Variants in SMOC2 observed in about 807,000 individuals in gnomAD.
SMOC2 encodes SPARC related modular calcium binding 2.
SMOC2 carries 39 observed loss-of-function variants against 61.4 expected under a neutral mutation model. The observed-to-expected ratio is 0.64, with a 90% CI of 0.49 to 0.83. SMOC2 has a LOEUF of 0.83. SMOC2 is among the 40% of genes least tolerant of loss of function. The probability of loss-of-function intolerance (pLI) is 0.00; values close to 1 mark genes in which losing one functional copy is unlikely to be tolerated. For missense variants in SMOC2, 556 were observed against 592.9 expected (o/e 0.94, Z 0.65); for synonymous variants, 247 against 239.9 (o/e 1.03, Z -0.27).
chr6:168,455,320 A>G (rs1781559052), intron 1 of SMOC2, among the ~76,000 whole-genome samples: 1 of 152,078 alleles, frequency 6.6e-6, no homozygotes, highest in South Asian at 2.1e-4. Flanking sequence ...TCAACTCAAC[A>G]TTTTCCTGTG....
intron 2 of SMOC2, among the ~76,000 whole-genome samples, chr6:168,511,807 A>C (rs1050757751): frequency 2.4e-4 from 19 of 78,658 alleles, no homozygotes; most frequent in Non-Finnish European, 5.1e-4. Flanking sequence ...ATTCATTATC[A>C]AGGGTTGTTT....
rs1013828636 is a variant in SMOC2, at chr6:168,544,116, A to T, written c.511+444A>T. Among the ~76,000 whole-genome samples the T allele has an allele frequency of 1.3e-5, 2 of 152,188 alleles. No homozygotes were observed. Among genetic ancestry groups the T allele is most frequent in the South Asian group, 4.1e-4 (2 of 4,826 alleles). Reference sequence around the variant, plus strand: ...CCCTGCCTCTGAGACTGGTACAAACAAGAGCTGAACAGAACCCTTAACCTT... The same window carrying T: ...CCCTGCCTCTGAGACTGGTACAAACTAGAGCTGAACAGAACCCTTAACCTT... On this transcript the variant is annotated intron_variant, in intron 5 of 12. Coordinates refer to ENST00000356284, the MANE Select transcript of SMOC2 (RefSeq NM_001166412.2). This position sits in a 1 kb window ranked among gnomAD's most constrained non-coding sequence, Gnocchi z 4.1.
intron 7 of SMOC2, among the ~76,000 whole-genome samples, chr6:168,565,347 G>T (rs547184733): frequency 1.3e-5 from 2 of 152,316 alleles, no homozygotes; most frequent in South Asian, 4.1e-4. Context: ...GCCTGGTGAG[G>T]GCTCTCTCTC....
Position 168,608,209 on chromosome 6 carries a change from CG to C in SMOC2, c.880del (p.Asp294ThrfsTer20). On this transcript the variant is annotated frameshift_variant, in exon 9 of 13. Coordinates refer to ENST00000356284, the MANE Select transcript of SMOC2 (RefSeq NM_001166412.2). LOFTEE classifies it high-confidence loss of function. ...NTARAHPAKA[R>X]DLYKGRQLQG... ...GGCCAGGGCCCACCCAGCCAAAGCC[CG>C]GGACCTGTACAAGGGCCGCCAGCTA... 6.2e-7 allele frequency: 1 copy of C among 1,613,562 alleles called. No individual in the cohort carries two copies. Among genetic ancestry groups the C allele is most frequent in the Non-Finnish European group, 8.5e-7 (1 of 1,179,844 alleles).
chr6:168,454,549 C>A (rs1398675981), intron 1 of SMOC2, among the ~76,000 whole-genome samples: 1 of 152,130 alleles, frequency 6.6e-6, no homozygotes, highest in African/African-American at 2.4e-5. Flanking sequence ...ACAGGTTCTG[C>A]AGATGGGAGG....
At chr6:168,653,253 C>G (rs759429136) in intron 11 of SMOC2, 25 bp downstream of exon 11, 40 of 1,444,028 alleles carry the variant, frequency 2.8e-5, no homozygotes, top group Middle Eastern at 1.8e-4. Context: ...ACCCCCGACC[C>G]TGGGCAGTGG....
At chr6:168,511,683 C>T (rs989285059) in intron 2 of SMOC2, among the ~76,000 whole-genome samples, 18 of 152,118 alleles carry the variant, frequency 1.2e-4, no homozygotes, top group East Asian at 3.9e-4. Flanking sequence ...GGTCTTTGCC[C>T]GGTGGCAAAC....
chr6:168,572,009 C>T (rs371936274), intron 7 of SMOC2, among the ~76,000 whole-genome samples: 27 of 7,794 alleles, frequency 3.5e-3, no homozygotes, highest in African/African-American at 0.017. Context: ...CCCCGGGTGC[C>T]GGGACCAGGG....
chr6:168,535,933 C>A lies in SMOC2; in HGVS notation c.464-7692C>A, dbSNP rs188066611. 6.6e-6 allele frequency among the ~76,000 whole-genome samples: 1 copy of A among 152,132 alleles called. No homozygotes were observed. The highest frequency in any genetic ancestry group is 1.9e-4 in the East Asian group (1 of 5,180). The stretch of plus-strand genomic sequence containing the variant: ...AGCAGTGACAGGGATCCTGGGGACA[C>A]GTGAGGAATAACGCAGCAGCCATGC... On this transcript the variant is annotated intron_variant, in intron 4 of 12. Transcript: ENST00000356284. This position sits in a 1 kb window ranked among gnomAD's most constrained non-coding sequence, Gnocchi z 4.6.
intron 9 of SMOC2, among the ~76,000 whole-genome samples, chr6:168,619,234 C>T (rs189421348): frequency 5.8e-4 from 88 of 152,262 alleles, no homozygotes; most frequent in African/African-American, 1.9e-3. Flanking sequence ...GCATTCTGAA[C>T]GACAACAGGA....
chr6:168,593,877 G>A (rs373329741), intron 7 of SMOC2, among the ~76,000 whole-genome samples: 1 of 4,748 alleles, frequency 2.1e-4, no homozygotes, highest in African/African-American at 5.6e-4. Flanking sequence ...GAGGATCTCC[G>A]AGCTCCTCCT....
At chr6:168,606,196 AG>A (rs1317257923) in intron 8 of SMOC2, among the ~76,000 whole-genome samples, 1 of 152,188 alleles carries the variant, frequency 6.6e-6, no homozygotes, top group African/African-American at 2.4e-5. Context: ...CAGCTGCATT[AG>A]GAGACACCTG....
chr6:168,541,950 G>A (rs980915574), intron 4 of SMOC2, among the ~76,000 whole-genome samples: 1 of 152,154 alleles, frequency 6.6e-6, no homozygotes, highest in African/African-American at 2.4e-5. Context: ...GTACTGTTCT[G>A]TCTGTACAGT....
chr6:168,526,077 G>A (rs9346718), intron 2 of SMOC2, among the ~76,000 whole-genome samples: 2 of 152,314 alleles, frequency 1.3e-5, no homozygotes, highest in East Asian at 1.9e-4. Flanking sequence ...CTGGGCCTCA[G>A]TGTTCTTCCT....
intron 7 of SMOC2, among the ~76,000 whole-genome samples, chr6:168,576,887 C>T (rs542595965): frequency 9.9e-5 from 15 of 152,160 alleles, no homozygotes; most frequent in African/African-American, 2.7e-4. Flanking sequence ...GACATCTACA[C>T]GCAGGCATTT....
chr6:168,474,622 C>T (rs377298638), intron 1 of SMOC2, among the ~76,000 whole-genome samples: 1 of 152,124 alleles, frequency 6.6e-6, no homozygotes, highest in Non-Finnish European at 1.5e-5. Context: ...CCTCCGGAGA[C>T]GTATACAACT....
At chr6:168,474,190 C>T (rs772593069) in intron 1 of SMOC2, among the ~76,000 whole-genome samples, 12 of 152,112 alleles carry the variant, frequency 7.9e-5, no homozygotes, top group Admixed American at 1.3e-4. Context: ...CAGACCCGAT[C>T]CTGGCTTCCT....
intron 1 of SMOC2, among the ~76,000 whole-genome samples, chr6:168,490,126 G>A (rs950721597): frequency 4.0e-5 from 6 of 150,512 alleles, no homozygotes; most frequent in African/African-American, 1.5e-4. Flanking sequence ...GTTTTAGAGT[G>A]AAATATATCA....
intron 8 of SMOC2, among the ~76,000 whole-genome samples, chr6:168,601,760 ATTTACTACGCTG>A (rs1350651491): frequency 6.6e-6 from 1 of 152,172 alleles, no homozygotes; most frequent in East Asian, 1.9e-4. Flanking sequence ...TGAGATCAGC[ATTTACTACGCTG>A]TGCCTGAAGA....
Sources: gnomAD v4.1 joint callset for allele counts (sites outside exome capture counted in the v4.1 genomes callset) on GRCh38, gnomAD v4.1.1 for gene constraint, Gnocchi (gnomAD v3.1) non-coding constraint, MANE v1.5 for transcripts, NCBI Gene and HGNC (gene_info 2026-07-23, HGNC 2026-07-21) for gene names.